Variants in SH3RF3 observed in about 807,000 individuals in gnomAD.
The protein encoded by SH3RF3 is SH3 domain containing ring finger 3, also known as E3 ubiquitin-protein ligase SH3RF3.
SH3RF3 carries 29 observed loss-of-function variants against 66.3 expected under a neutral mutation model. The ratio of observed to expected loss-of-function variants is 0.44; its 90% CI spans 0.33 to 0.60. The LOEUF (loss-of-function observed/expected upper bound fraction) is 0.60. Among genes scored for constraint, SH3RF3 ranks in the 20% least tolerant of loss-of-function variants. The pLI is 0.04. For missense variants in SH3RF3, 1,194 were observed against 1,190.9 expected (o/e 1.00, Z -0.04); for synonymous variants, 583 against 532.0 (o/e 1.10, Z -1.32).
chr2:109,488,903 C>T (rs754805430), intron 8 of SH3RF3, among the ~76,000 whole-genome samples: 29 of 152,318 alleles, frequency 1.9e-4, no homozygotes, highest in African/African-American at 6.0e-4. Context: ...AGCCCAGTAG[C>T]GGAGTCAGGT....
chr2:109,140,492 T>C (rs1676921235), intron 1 of SH3RF3, among the ~76,000 whole-genome samples: 1 of 152,120 alleles, frequency 6.6e-6, no homozygotes, highest in Admixed American at 6.5e-5. Context: ...ACCATTCTCC[T>C]GTCTCAGCCT....
chr2:109,148,456 C>T (rs1677149878), intron 1 of SH3RF3, among the ~76,000 whole-genome samples: 1 of 152,152 alleles, frequency 6.6e-6, no homozygotes. Flanking sequence ...TGCTGTAGCT[C>T]AAACTGTGTA....
At chr2:109,424,922 C>T (rs961865472) in intron 5 of SH3RF3, among the ~76,000 whole-genome samples, 6 of 152,068 alleles carry the variant, frequency 3.9e-5, no homozygotes, top group African/African-American at 7.2e-5. Flanking sequence ...TTAAGCTTGG[C>T]GAGGAAGTCA....
chr2:109,395,170 G>A lies in SH3RF3; in HGVS notation c.946-3420G>A, dbSNP rs144820816. On this transcript the variant is annotated intron_variant, in intron 3 of 9. Transcript: ENST00000309415. ...ACTCCGCAGGCAGGCCAGTGCGTGCGCTACTCGCATGCCTGTGTGAGTATG... is the reference window on the plus strand; with the variant it reads ...ACTCCGCAGGCAGGCCAGTGCGTGCACTACTCGCATGCCTGTGTGAGTATG... 3.6e-3 allele frequency among the ~76,000 whole-genome samples: 553 copies of A among 152,360 alleles called. 5 individuals are homozygous for A. The highest frequency in any genetic ancestry group is 0.012 in the African/African-American group (510 of 41,584).
chr2:109,374,885 C>T (rs916069058), intron 3 of SH3RF3, among the ~76,000 whole-genome samples: 6 of 152,178 alleles, frequency 3.9e-5, no homozygotes, highest in Non-Finnish European at 7.4e-5. Context: ...GCTAAGCCCA[C>T]GGTGGACCTC....
chr2:109,142,568 C>G (rs1387044167), intron 1 of SH3RF3, among the ~76,000 whole-genome samples: 3 of 152,166 alleles, frequency 2.0e-5, no homozygotes, highest in Non-Finnish European at 4.4e-5. Context: ...TCCCCAGTGG[C>G]TGAGGGAGGA....
chr2:109,411,710 C>T (rs1676594703), intron 4 of SH3RF3, among the ~76,000 whole-genome samples: 1 of 152,152 alleles, frequency 6.6e-6, no homozygotes, highest in Admixed American at 6.5e-5. Context: ...CACCACACAC[C>T]CATGCTAGGA....
At chr2:109,309,250 C>G (rs1043469287) in intron 1 of SH3RF3, among the ~76,000 whole-genome samples, 31 of 145,966 alleles carry the variant, frequency 2.1e-4, no homozygotes, top group Admixed American at 7.5e-4. Flanking sequence ...TATAAGAATG[C>G]TTGTGATTTT....
chr2:109,366,922 C>T (rs769733066), intron 2 of SH3RF3, among the ~76,000 whole-genome samples: 1 of 152,092 alleles, frequency 6.6e-6, no homozygotes, highest in Admixed American at 6.6e-5. Flanking sequence ...AGCTGAAATA[C>T]CAGCGATCAG....
chr2:109,195,872 G>T (rs1456565184), intron 1 of SH3RF3, among the ~76,000 whole-genome samples: 2 of 152,126 alleles, frequency 1.3e-5, no homozygotes, highest in Non-Finnish European at 2.9e-5. Flanking sequence ...CGTTTGGAAG[G>T]TCTCTCGAAT....
intron 1 of SH3RF3, among the ~76,000 whole-genome samples, chr2:109,334,083 G>T (rs1682347797): frequency 6.6e-6 from 1 of 152,148 alleles, no homozygotes; most frequent in African/African-American, 2.4e-5. Flanking sequence ...TCAAAACCAG[G>T]TTCAGAGGCT....
At position 109,224,762 on chromosome 2, in the gene SH3RF3, C is replaced by T. The variant is rs533841359; in HGVS notation, c.573+94649C>T. On this transcript the variant is annotated intron_variant, in intron 1 of 9. Transcript: ENST00000309415. Reference sequence around the variant, plus strand: ...ATCCCAGCTACTTGGGAGGCTGAGGCATTAGAATCGCTTGAAACCTGGAGA... The same window carrying T: ...ATCCCAGCTACTTGGGAGGCTGAGGTATTAGAATCGCTTGAAACCTGGAGA... 8.5e-5 allele frequency among the ~76,000 whole-genome samples: 13 copies of T among 152,276 alleles called. No homozygotes were observed. The South Asian group carries it at 2.5e-3, about 29-fold the overall frequency.
At chr2:109,436,467 A>G (rs1183279489) in intron 6 of SH3RF3, among the ~76,000 whole-genome samples, 1 of 152,172 alleles carries the variant, frequency 6.6e-6, no homozygotes, top group African/African-American at 2.4e-5. Context: ...GCGAGGTGGC[A>G]GTCGTGCCCA....
chr2:109,145,213 G>C (rs11885609), intron 1 of SH3RF3, among the ~76,000 whole-genome samples: 6,285 of 152,138 alleles, frequency 0.041, 441 homozygotes, highest in African/African-American at 0.14. Flanking sequence ...CCGTGTCCTG[G>C]CTGGGTCCTT....
In SH3RF3 at chr2:109,370,341, G is replaced by A. The variant is rs188878968; in HGVS notation, c.850-1245G>A. Among the ~76,000 whole-genome samples the A allele has an allele frequency of 9.2e-5, 14 of 152,078 alleles. No homozygotes were observed. In the East Asian group the frequency reaches 2.7e-3, roughly 29 times the overall value. ...TGCAACCTCTGCCTCCCGGGTTCAA[G>A]CGATTCTCCTGCCTCAGACTCCCAA... On this transcript the variant is annotated intron_variant, in intron 2 of 9. Coordinates refer to ENST00000309415, the MANE Select transcript of SH3RF3 (RefSeq NM_001099289.3).
rs572290165 is a variant in SH3RF3, at chr2:109,347,606, C to T, written c.574-68C>T. On this transcript the variant is annotated intron_variant, in intron 1 of 9. Transcript: ENST00000309415. Reference sequence around the variant, plus strand: ...GCCCCTGAGAAGCCCCGGCCTGCCCCGGCAGATCCACTGTGGGGCATTGGG... The same window carrying T: ...GCCCCTGAGAAGCCCCGGCCTGCCCTGGCAGATCCACTGTGGGGCATTGGG... 78 of 1,556,458 alleles carry T rather than the reference C, an allele frequency of 5.0e-5. No homozygotes were observed. In the South Asian group the frequency reaches 5.5e-4, roughly 11 times the overall value.
chr2:109,390,974 C>T (rs1675973982), intron 3 of SH3RF3, among the ~76,000 whole-genome samples: 1 of 152,232 alleles, frequency 6.6e-6, no homozygotes, highest in South Asian at 2.1e-4. Context: ...GCTTGGCCAA[C>T]TGCCCCCAAG....
chr2:109,456,484 C>T (rs902366366), intron 8 of SH3RF3, among the ~76,000 whole-genome samples: 2 of 152,240 alleles, frequency 1.3e-5, no homozygotes, highest in African/African-American at 4.8e-5. Flanking sequence ...CAACCTTTCT[C>T]TAAGTTAGGA....
chr2:109,250,620 G>C (rs1680066598), intron 1 of SH3RF3, among the ~76,000 whole-genome samples: 1 of 151,848 alleles, frequency 6.6e-6, no homozygotes, highest in African/African-American at 2.4e-5. Flanking sequence ...TAATAATAGT[G>C]GTATGTTTCC....
Sources: gnomAD v4.1 joint callset for allele counts (sites outside exome capture counted in the v4.1 genomes callset) on GRCh38, gnomAD v4.1.1 for gene constraint, MANE v1.5 for transcripts, NCBI Gene and HGNC (gene_info 2026-07-23, HGNC 2026-07-21) for gene names.